NRXN1: variants seen among roughly 807,000 people sequenced by gnomAD.
The protein encoded by NRXN1 is neurexin-1.
In NRXN1, 39 loss-of-function variants were observed where a neutral mutation model predicts 150.9. The ratio of observed to expected loss-of-function variants is 0.26; its 90% CI spans 0.20 to 0.34. The LOEUF is 0.34. NRXN1 is among the 10% of genes least tolerant of loss of function. NRXN1 has a pLI of 1.00. For synonymous variants in NRXN1, 924 were observed against 757.0 expected, an observed-to-expected ratio of 1.22 and a Z score of -3.62; for missense variants, 1,815 against 1,949.9, an observed-to-expected ratio of 0.93 and a Z score of 1.30.
At chr2:50,047,867 C>T (rs185484715) in intron 21 of NRXN1, among the ~76,000 whole-genome samples, 1 of 152,174 alleles carries the variant, frequency 6.6e-6, no homozygotes, top group Admixed American at 6.6e-5. Context: ...TAGAAAGGTA[C>T]CTGAGATATA....
At chr2:49,969,141 G>T (rs1677492443) in intron 21 of NRXN1, among the ~76,000 whole-genome samples, 1 of 152,048 alleles carries the variant, frequency 6.6e-6, no homozygotes, top group South Asian at 2.1e-4. Flanking sequence ...CTTGCTATAT[G>T]TACTTTTAAG....
chr2:51,028,166 G>C lies in NRXN1; in HGVS notation c.108C>G (p.Ala36=), dbSNP rs199871750. ...TGGGGAAGCGCGTCCATTGGCCCTC[G>C]GCGCCCGGAAACTCCAGCCCGCTGC... ...ELGSGLEFPG[A]EGQWTRFPKW... is the part of the protein sequence containing the mutation. The change falls in exon 2 of 23, where the codon GCC becomes GCG. Residue 36 remains alanine, a synonymous_variant. Transcript: ENST00000401669. The C allele has an allele frequency of 2.0e-6, 3 of 1,519,200 alleles. No individual in the cohort carries two copies. The highest frequency in any genetic ancestry group is 1.8e-6 in the Non-Finnish European group (2 of 1,136,894). The allele number at this position is 1,519,200 out of a possible 1,614,324, so 94.1% of individuals were successfully genotyped here. A position where few individuals can be genotyped will look rare whatever the true frequency, so the allele number is the denominator to read the frequency against.
At chr2:49,957,896 G>A (rs892680062) in intron 21 of NRXN1, among the ~76,000 whole-genome samples, 18 of 152,090 alleles carry the variant, frequency 1.2e-4, no homozygotes, top group African/African-American at 4.3e-4. Flanking sequence ...TTTCATGTTT[G>A]GGTATGGGGC....
At chr2:50,192,581 T>C (rs62135868) in intron 18 of NRXN1, among the ~76,000 whole-genome samples, 719 of 147,134 alleles carry the variant, frequency 4.9e-3, no homozygotes, top group African/African-American at 6.7e-3. Flanking sequence ...CACACAGGCA[T>C]ACAAATCGGA....
intron 5 of NRXN1, among the ~76,000 whole-genome samples, chr2:50,671,622 G>C (rs1004796335): frequency 1.3e-5 from 2 of 151,632 alleles, no homozygotes; most frequent in African/African-American, 2.4e-5. Flanking sequence ...GTAATTTGTA[G>C]TATAAGAAAG....
In NRXN1 at chr2:50,497,340, C is replaced by A; in HGVS notation, c.2872G>T (p.Val958Phe). Residue 958 changes from valine (V) to phenylalanine (F), a missense_variant, in exon 14 of 23, where the codon GTT becomes TTT. By Grantham distance (50) the Val-to-Phe change is conservative. This residue lies in a region of NRXN1 where 339 missense variants were observed against 440.3 expected (regional missense o/e 0.77). Coordinates refer to ENST00000401669, the MANE Select transcript of NRXN1 (RefSeq NM_001330078.2). ...DGNDFIVVEL[V>F]KGYLHYVFDL... ...GAACAGGCATGTACTCACCCTTTAA[C>A]TAATTCAACCACAATAAAGTCATTT... 1.3e-6 allele frequency: 2 copies of A among 1,529,544 alleles called. No homozygotes were observed. Among genetic ancestry groups the A allele is most frequent in the Non-Finnish European group, 1.8e-6 (2 of 1,140,612 alleles). 94.7% of individuals were successfully genotyped at this position (1,529,544 alleles called of 1,614,324 possible).
intron 5 of NRXN1, among the ~76,000 whole-genome samples, chr2:50,855,126 G>T (rs563846774): frequency 6.6e-6 from 1 of 150,542 alleles, no homozygotes; most frequent in African/African-American, 2.5e-5. Context: ...TGGTGCAGTG[G>T]GGTGGAGTGT....
At chr2:50,395,569 G>A (rs898698333) in intron 17 of NRXN1, among the ~76,000 whole-genome samples, 3 of 151,944 alleles carry the variant, frequency 2.0e-5, no homozygotes, top group African/African-American at 7.3e-5. Context: ...CACTTCAATT[G>A]AATACGCAAC....
intron 17 of NRXN1, among the ~76,000 whole-genome samples, chr2:50,240,189 G>A (rs2065884642): frequency 6.6e-6 from 1 of 151,506 alleles, no homozygotes; most frequent in South Asian, 2.1e-4. Flanking sequence ...AGTTTTTTAG[G>A]TTTCACCAAA....
At chr2:50,493,804 C>T (rs1039037541) in intron 15 of NRXN1, among the ~76,000 whole-genome samples, 18 of 152,150 alleles carry the variant, frequency 1.2e-4, no homozygotes, top group African/African-American at 4.3e-4. Context: ...TGATTAGCCC[C>T]TTCACATGGG....
intron 2 of NRXN1, among the ~76,000 whole-genome samples, chr2:50,976,644 TG>T (rs1308370701): frequency 1.3e-5 from 2 of 151,968 alleles, no homozygotes; most frequent in African/African-American, 4.8e-5. Flanking sequence ...ACACCACCTC[TG>T]TAATGTTAGA....
At chr2:50,187,673 T>C (rs910859054) in intron 18 of NRXN1, among the ~76,000 whole-genome samples, 7 of 152,118 alleles carry the variant, frequency 4.6e-5, no homozygotes, top group African/African-American at 1.7e-4. Context: ...AATCTATACA[T>C]TACCTTGGGC....
chr2:50,709,147 C>T (rs1474885942), intron 5 of NRXN1, among the ~76,000 whole-genome samples: 1 of 152,060 alleles, frequency 6.6e-6, no homozygotes, highest in African/African-American at 2.4e-5. Context: ...CACAGGCAAC[C>T]ACATGAGCTT....
chr2:50,014,379 G>A (rs893249973), intron 21 of NRXN1, among the ~76,000 whole-genome samples: 2 of 151,962 alleles, frequency 1.3e-5, no homozygotes, highest in African/African-American at 2.4e-5. Flanking sequence ...TTTAATCCAG[G>A]ATTTTGTAAC....
chr2:50,099,257 T>C (rs1700690562), intron 18 of NRXN1, among the ~76,000 whole-genome samples: 1 of 152,098 alleles, frequency 6.6e-6, no homozygotes, highest in South Asian at 2.1e-4. Flanking sequence ...AAAACAACTT[T>C]AGGGTAGGAA....
intron 5 of NRXN1, among the ~76,000 whole-genome samples, chr2:50,856,951 G>T (rs1316389635): frequency 6.6e-6 from 1 of 152,022 alleles, no homozygotes; most frequent in Non-Finnish European, 1.5e-5. Flanking sequence ...GTCATATCCA[G>T]TGCTCCAGAT....
At chr2:50,311,710 T>A (rs2075197949) in intron 17 of NRXN1, among the ~76,000 whole-genome samples, 1 of 152,174 alleles carries the variant, frequency 6.6e-6, no homozygotes, top group African/African-American at 2.4e-5. Flanking sequence ...AATCACTTTA[T>A]ATAAAAAGTA....
chr2:50,981,424 G>A (rs1575119059), intron 2 of NRXN1, among the ~76,000 whole-genome samples: 1 of 117,352 alleles, frequency 8.5e-6, no homozygotes, highest in Middle Eastern at 8.6e-3. Context: ...CACCACTGCA[G>A]TCCAGCCTGG....
At chr2:50,322,593 G>C (rs1313051321) in intron 17 of NRXN1, among the ~76,000 whole-genome samples, 1 of 152,114 alleles carries the variant, frequency 6.6e-6, no homozygotes, top group Non-Finnish European at 1.5e-5. Flanking sequence ...AACTAATGAG[G>C]ATGAGTAGAG....
Sources: gnomAD v4.1 joint callset for allele counts (sites outside exome capture counted in the v4.1 genomes callset) on GRCh38, gnomAD v4.1.1 for gene constraint, gnomAD v4.1.1 regional missense constraint, MANE v1.5 for transcripts, NCBI Gene and HGNC (gene_info 2026-07-23, HGNC 2026-07-21) for gene names.